The following SLC5A10 variants were observed in gnomAD, a reference collection of about 807,000 sequenced individuals.
SLC5A10 encodes sodium/mannose cotransporter SLC5A10.
Under a neutral mutation model 68.9 loss-of-function variants are expected in SLC5A10, and 55 were observed. That is an observed-to-expected ratio of 0.80 (90% CI 0.64 to 1.00). SLC5A10 has a LOEUF of 1.00. SLC5A10 is among the 50% of genes least tolerant of loss of function. The pLI is 0.00. For synonymous variants in SLC5A10, 344 were observed against 344.8 expected (o/e 1.00, Z 0.02); for missense variants, 732 against 819.3 (o/e 0.89, Z 1.30).
chr17:19,002,860 G>A (rs770568686), intron 9 of SLC5A10, among the ~76,000 whole-genome samples: 11 of 152,132 alleles, frequency 7.2e-5, no homozygotes, highest in Non-Finnish European at 1.2e-4. Flanking sequence ...GGTCCCTTCC[G>A]GTGGCAAAAT....
intron 13 of SLC5A10, 38 bp from the exon 14 acceptor site, chr17:19,020,112 GCCATC>G: frequency 3.4e-4 from 188 of 551,122 alleles, no homozygotes; most frequent in Middle Eastern, 1.2e-3. Context: ...CCCCCACCCT[GCCATC>G]CCCCACCCCC....
At chr17:19,001,690 G>A (rs527718097) in intron 9 of SLC5A10, among the ~76,000 whole-genome samples, 131 of 152,346 alleles carry the variant, frequency 8.6e-4, no homozygotes, top group African/African-American at 2.8e-3. Context: ...GTGGCTCATG[G>A]GACTGTACGG....
rs1329829091 is a variant in SLC5A10 at position 18,971,349 on chromosome 17, G to A, written c.846+131G>A. 6.3e-7 allele frequency: 1 copy of A among 1,597,686 alleles called. No homozygotes were observed. Among genetic ancestry groups the A allele is most frequent in the Admixed American group, 1.7e-5 (1 of 58,212 alleles). Reference sequence around the variant, plus strand: ...CCTCAGAAGGTGTGGCTCCAGGCTGGGACATGCTGCTAGGGGTCTTTGCGG... The same window carrying A: ...CCTCAGAAGGTGTGGCTCCAGGCTGAGACATGCTGCTAGGGGTCTTTGCGG... On this transcript the variant is annotated intron_variant, in intron 8 of 14. Coordinates refer to ENST00000395645, the MANE Select transcript of SLC5A10 (RefSeq NM_001042450.4). This position sits in a 1 kb window ranked among gnomAD's most constrained non-coding sequence, Gnocchi z 5.5.
rs74666483 is a variant in SLC5A10 at position 18,968,727 on chromosome 17, G to A, written c.454-325G>A. ...ACTCATCAAGGTGCCCCTGGGAACCGAGGGGACAGGGCTCTGCCTTTTATC... is the reference window on the plus strand; with the variant it reads ...ACTCATCAAGGTGCCCCTGGGAACCAAGGGGACAGGGCTCTGCCTTTTATC... On this transcript the variant is annotated intron_variant, in intron 5 of 14. Transcript: ENST00000395645. The surrounding 1 kb of genome is among the most constrained non-coding windows in gnomAD (Gnocchi z 4.1). The A allele has an allele frequency of 0.021, 6,484 of 312,836 alleles. 437 individuals are homozygous for A. Among genetic ancestry groups the A allele is most frequent in the African/African-American group, 0.13 (5,920 of 46,204 alleles). The allele number at this position is 312,836 out of a possible 1,614,324, so 19.4% of individuals were successfully genotyped here.
At chr17:19,005,258 T>A (rs757491033) in intron 9 of SLC5A10, among the ~76,000 whole-genome samples, 1 of 152,048 alleles carries the variant, frequency 6.6e-6, no homozygotes, top group Non-Finnish European at 1.5e-5. Context: ...TAAGCCCTGA[T>A]CCCCTCTGGG....
Position 19,015,171 on chromosome 17 carries a change from G to A in SLC5A10, c.1213G>A (p.Gly405Ser), listed in dbSNP as rs780119794. ...CTGGAGGCGGCTGCGTCCCCGCTCC[G>A]GCGAGCGGGAGCTCCTGCTGGTGGG... Reference protein sequence around the residue: ...DIWRRLRPRSGERELLLVGRL... With the variant: ...DIWRRLRPRSSERELLLVGRL... The change falls in exon 11 of 15, where the codon GGC (glycine) becomes AGC (serine). Residue 405 changes from glycine (G) to serine (S), a missense_variant. By Grantham distance (56) the Gly-to-Ser change is moderately conservative. Coordinates refer to ENST00000395645, the MANE Select transcript of SLC5A10 (RefSeq NM_001042450.4). The A allele has an allele frequency of 5.0e-6, 8 of 1,586,412 alleles. No homozygotes were observed. Among genetic ancestry groups the A allele is most frequent in the Middle Eastern group, 1.7e-4 (1 of 5,802 alleles).
intron 8 of SLC5A10, among the ~76,000 whole-genome samples, chr17:18,972,150 C>T (rs1000646916): frequency 1.3e-5 from 2 of 152,232 alleles, no homozygotes; most frequent in African/African-American, 4.8e-5. Flanking sequence ...CTCAGATGAG[C>T]TGCTTCCTGT....
chr17:18,992,580 A>T (rs912868595), intron 9 of SLC5A10, among the ~76,000 whole-genome samples: 15 of 152,126 alleles, frequency 9.9e-5, no homozygotes, highest in Admixed American at 8.5e-4. Flanking sequence ...GGGCCTCCTC[A>T]ATCTCCCTCA....
Position 18,959,667 on chromosome 17 carries a change from A to G in SLC5A10, c.348+4A>G, listed in dbSNP as rs1314466572. 2 of 1,613,746 alleles carry G rather than the reference A, an allele frequency of 1.2e-6. No homozygotes were observed. The highest frequency in any genetic ancestry group is 2.2e-5 in the East Asian group (1 of 44,886). On this transcript the variant is annotated splice_donor_region_variant and intron_variant, in intron 4 of 14. Transcript: ENST00000395645. ...GCCCATCTACATCTCCTCAGAGGTG[A>G]GTCTACTCATGGGGCCTCCAGCTGG... is the stretch of plus-strand genomic sequence containing the variant.
intron 7 of SLC5A10, chr17:18,969,680 G>A: frequency 2.3e-6 from 1 of 438,686 alleles, no homozygotes; most frequent in Non-Finnish European, 4.0e-6. Context: ...GCTGACTCAG[G>A]AACTCAGGGC....
intron 9 of SLC5A10, among the ~76,000 whole-genome samples, chr17:18,980,256 C>G (rs1053740778): frequency 4.6e-5 from 7 of 152,180 alleles, no homozygotes; most frequent in Non-Finnish European, 1.0e-4. Flanking sequence ...ACAGGACTCA[C>G]AGCAAACCTT....
intron 9 of SLC5A10, chr17:18,978,255 G>C (rs773937610): frequency 1.2e-6 from 2 of 1,604,332 alleles, no homozygotes; most frequent in Non-Finnish European, 1.7e-6. Context: ...GGCTCTGGAC[G>C]GGGCCTGCTG....
At chr17:18,972,852 G>A (rs1597837454) in intron 8 of SLC5A10, among the ~76,000 whole-genome samples, 1 of 146,880 alleles carries the variant, frequency 6.8e-6, no homozygotes, top group African/African-American at 2.5e-5. Context: ...CTGGGGGACA[G>A]AGCGAGACTC....
In SLC5A10 at chr17:18,971,290, T is replaced by A; in HGVS notation, c.846+72T>A. On this transcript the variant is annotated intron_variant, in intron 8 of 14. Transcript: ENST00000395645. The surrounding 1 kb of genome is among the most constrained non-coding windows in gnomAD (Gnocchi z 5.5). Reference sequence around the variant, plus strand: ...TGGGCTCTGGTAGGCCCAGGCGGCCTGTCTGCCCTCCGCGTCATGAGTCTG... The same window carrying A: ...TGGGCTCTGGTAGGCCCAGGCGGCCAGTCTGCCCTCCGCGTCATGAGTCTG... 1 of 1,609,772 alleles carries A rather than the reference T, an allele frequency of 6.2e-7. No homozygotes were observed. The highest frequency in any genetic ancestry group is 8.5e-7 in the Non-Finnish European group (1 of 1,177,118).
chr17:18,952,452 C>T, intron 1 of SLC5A10, 136 bp downstream of exon 1: 2 of 1,095,132 alleles, frequency 1.8e-6, no homozygotes, highest in Non-Finnish European at 2.6e-6. Flanking sequence ...TGGTCCTCCT[C>T]CCAGCCTGGG....
rs762076161 is a variant in SLC5A10, at chr17:18,971,585, C to A, written c.846+367C>A. The A allele has an allele frequency of 1.2e-6, 2 of 1,613,454 alleles. No individual in the cohort carries two copies. Among genetic ancestry groups the A allele is most frequent in the African/African-American group, 1.3e-5 (1 of 74,906 alleles). Reference sequence around the variant, plus strand: ...ATCCGGAAGCAGGCGGGGTACCTGACCTCCCTTGGCCTGCCAGTGGTGGGG... The same window carrying A: ...ATCCGGAAGCAGGCGGGGTACCTGAACTCCCTTGGCCTGCCAGTGGTGGGG... On this transcript the variant is annotated intron_variant, in intron 8 of 14. Transcript: ENST00000395645. This position sits in a 1 kb window ranked among gnomAD's most constrained non-coding sequence, Gnocchi z 5.5.
At chr17:18,989,344 T>C (rs1352421407) in intron 9 of SLC5A10, among the ~76,000 whole-genome samples, 4 of 152,122 alleles carry the variant, frequency 2.6e-5, no homozygotes, top group Admixed American at 2.6e-4. Flanking sequence ...AGATTCAGGG[T>C]GGTGGAGGCG....
chr17:18,978,132 C>T lies in SLC5A10; in HGVS notation c.982+1143C>T, dbSNP rs755031849. On this transcript the variant is annotated intron_variant, in intron 9 of 14. Coordinates refer to ENST00000395645, the MANE Select transcript of SLC5A10 (RefSeq NM_001042450.4). ...CTGTCCCGGGCTAGTACATCTGCCA[C>T]AGGGACTGTCCGGGGCTTGGGCACG... 1.8e-5 allele frequency: 27 copies of T among 1,520,336 alleles called. No individual in the cohort carries two copies. The East Asian group carries it at 3.2e-4, about 18-fold the overall frequency. The allele number at this position is 1,520,336 out of a possible 1,614,324, so 94.2% of individuals were successfully genotyped here.
chr17:19,007,975 G>T (rs917814913), intron 9 of SLC5A10, among the ~76,000 whole-genome samples: 3 of 152,180 alleles, frequency 2.0e-5, no homozygotes, highest in Non-Finnish European at 1.5e-5. Context: ...AAGGTTAGAG[G>T]TTTTCTTGAA....
Sources: gnomAD v4.1 joint callset for allele counts (sites outside exome capture counted in the v4.1 genomes callset) on GRCh38, gnomAD v4.1.1 for gene constraint, Gnocchi (gnomAD v3.1) non-coding constraint, MANE v1.5 for transcripts, NCBI Gene and HGNC (gene_info 2026-07-23, HGNC 2026-07-21) for gene names.